Variants in MLLT1 observed in about 807,000 individuals in gnomAD.
MLLT1 encodes protein ENL.
In MLLT1, 11 loss-of-function variants were observed where a neutral mutation model predicts 55.1. That is an observed-to-expected ratio of 0.20 (90% CI 0.13 to 0.33). The LOEUF is 0.33. Among genes scored for constraint, MLLT1 ranks in the 10% least tolerant of loss-of-function variants. The probability of loss-of-function intolerance (pLI) is 1.00; values close to 1 mark genes in which losing one functional copy is unlikely to be tolerated. For synonymous variants in MLLT1, 323 were observed against 320.1 expected (o/e 1.01, Z -0.10); for missense variants, 536 against 760.6 (o/e 0.70, Z 3.47).
chr19:6,228,621 C>T (rs2090976316), intron 4 of MLLT1, among the ~76,000 whole-genome samples: 1 of 152,234 alleles, frequency 6.6e-6, no homozygotes, highest in Non-Finnish European at 1.5e-5. Context: ...CGCTCGCTGA[C>T]ACAGAAACCA....
Position 6,222,513 on chromosome 19 carries a change from TG to T in MLLT1, c.717del (p.Lys240ArgfsTer19). On this transcript the variant is annotated frameshift_variant, in exon 6 of 12. Coordinates refer to ENST00000252674, the MANE Select transcript of MLLT1 (RefSeq NM_005934.4). LOFTEE classifies it high-confidence loss of function. The surrounding 1 kb of genome is among the most constrained non-coding windows in gnomAD (Gnocchi z 4.1). ...TSRKLGEGRL[P>X]KEEKAPPPKA... ...TTGGGCGGTGGCGCCTTCTCCTCCT[TG>T]GGCAGCCGGCCCTCGCCCAGCTTCC... 1 of 1,599,496 alleles carries T rather than the reference TG, an allele frequency of 6.3e-7. No homozygotes were observed.
chr19:6,267,191 T>C (rs1056448859), intron 2 of MLLT1, among the ~76,000 whole-genome samples: 1 of 151,964 alleles, frequency 6.6e-6, no homozygotes, highest in Non-Finnish European at 1.5e-5. Context: ...AACCTCTGCA[T>C]CCTGGGTTCA....
chr19:6,227,357 C>T lies in MLLT1; in HGVS notation c.421-255G>A, dbSNP rs137966791. On this transcript the variant is annotated intron_variant, in intron 4 of 11. Coordinates refer to ENST00000252674, the MANE Select transcript of MLLT1 (RefSeq NM_005934.4). This position sits in a 1 kb window ranked among gnomAD's most constrained non-coding sequence, Gnocchi z 5.1. ...GACCAGGTGGGGCCACGCGGCCTTC[C>T]GGGAACAGTGGACCGGAGGGCTGGC... is the stretch of plus-strand genomic sequence containing the variant. Among the ~76,000 whole-genome samples, 817 of 152,304 alleles carry T rather than the reference C, an allele frequency of 5.4e-3. 5 individuals carry two copies. Among genetic ancestry groups the T allele is most frequent in the African/African-American group, 0.018 (745 of 41,578 alleles).
At chr19:6,236,818 T>A (rs911945040) in intron 3 of MLLT1, among the ~76,000 whole-genome samples, 5 of 152,170 alleles carry the variant, frequency 3.3e-5, no homozygotes, top group African/African-American at 1.2e-4. Flanking sequence ...CCGTGAGCAA[T>A]GGCAAAGTCA....
rs1044810755 is a variant in MLLT1, at chr19:6,212,427, G to A, written c.*615C>T. On this transcript the variant is annotated 3_prime_UTR_variant, in exon 12 of 12. Coordinates refer to ENST00000252674, the MANE Select transcript of MLLT1 (RefSeq NM_005934.4). Reference sequence around the variant, plus strand: ...CGTACGCACCCCCCACCCACCCCACGTGCACTGCTGCCACAGAAACGCACA... The same window carrying A: ...CGTACGCACCCCCCACCCACCCCACATGCACTGCTGCCACAGAAACGCACA... 15 of 1,063,828 alleles carry A rather than the reference G, an allele frequency of 1.4e-5. No homozygotes were observed. The Admixed American group carries it at 2.7e-4, about 19-fold the overall frequency. 65.9% of individuals were successfully genotyped at this position (1,063,828 alleles called of 1,614,324 possible).
Position 6,210,738 on chromosome 19 carries a change from G to A in MLLT1, c.*2304C>T. On this transcript the variant is annotated 3_prime_UTR_variant, in exon 12 of 12. Transcript: ENST00000252674. The surrounding 1 kb of genome is among the most constrained non-coding windows in gnomAD (Gnocchi z 4.6). ...ACAAAGTGCCAGGCCCCTTTCCTAT[G>A]GAAGTGTCCCCAGAGCCCTCGTGGG... The A allele has an allele frequency of 4.3e-6, 1 of 230,194 alleles. No homozygotes were observed. Among genetic ancestry groups the A allele is most frequent in the Non-Finnish European group, 8.6e-6 (1 of 116,116 alleles). The allele number at this position is 230,194 out of a possible 1,614,324, so 14.3% of individuals were successfully genotyped here. A position where few individuals can be genotyped will look rare whatever the true frequency, so the allele number is the denominator to read the frequency against.
At chr19:6,232,658 C>T (rs953073538) in intron 3 of MLLT1, among the ~76,000 whole-genome samples, 1 of 152,174 alleles carries the variant, frequency 6.6e-6, no homozygotes, top group East Asian at 1.9e-4. Flanking sequence ...CTTTGGGAGG[C>T]TGAGGCAAAT....
Position 6,243,863 on chromosome 19 carries a change from G to A in MLLT1, c.277-13150C>T, listed in dbSNP as rs576888090. On this transcript the variant is annotated intron_variant, in intron 3 of 11. Coordinates refer to ENST00000252674, the MANE Select transcript of MLLT1 (RefSeq NM_005934.4). ...CCGAGACCATCCTGGCTAACACGGTGAAACCCCCTCTCTACTAAAAATACA... is the reference window on the plus strand; with the variant it reads ...CCGAGACCATCCTGGCTAACACGGTAAAACCCCCTCTCTACTAAAAATACA... Among the ~76,000 whole-genome samples, 451 of 152,042 alleles carry A rather than the reference G, an allele frequency of 3.0e-3. 1 individual carries two copies. Among genetic ancestry groups the A allele is most frequent in the African/African-American group, 0.01 (422 of 41,480 alleles).
intron 1 of MLLT1, among the ~76,000 whole-genome samples, chr19:6,275,897 G>C (rs889981951): frequency 1.2e-4 from 18 of 152,200 alleles, no homozygotes; most frequent in Admixed American, 3.3e-4. Flanking sequence ...TACGAACCAG[G>C]GGCCCACAGA....
intron 5 of MLLT1, among the ~76,000 whole-genome samples, chr19:6,223,341 C>T (rs899452519): frequency 1.1e-4 from 17 of 152,208 alleles, no homozygotes; most frequent in African/African-American, 3.9e-4. Flanking sequence ...GAAGGGAAAC[C>T]GCCTGGGTCG....
At chr19:6,258,991 G>A (rs2091281087) in intron 3 of MLLT1, among the ~76,000 whole-genome samples, 6 of 152,184 alleles carry the variant, frequency 3.9e-5, no homozygotes, top group Admixed American at 3.9e-4. Context: ...TCTTCCTGAT[G>A]CCTGAGAAGC....
rs1213820302 is a variant in MLLT1, at chr19:6,262,590, T to C, written c.194-280A>G. On this transcript the variant is annotated intron_variant, in intron 2 of 11. Transcript: ENST00000252674. This position sits in a 1 kb window ranked among gnomAD's most constrained non-coding sequence, Gnocchi z 4.4. ...GAACGTTAGCCTGTCATCGGGATACTTGCTCCTGCAGAGGATGAGGAGGCT... is the reference window on the plus strand; with the variant it reads ...GAACGTTAGCCTGTCATCGGGATACCTGCTCCTGCAGAGGATGAGGAGGCT... Among the ~76,000 whole-genome samples, 1 of 152,092 alleles carries C rather than the reference T, an allele frequency of 6.6e-6. No individual in the cohort carries two copies. Among genetic ancestry groups the C allele is most frequent in the Non-Finnish European group, 1.5e-5 (1 of 68,008 alleles).
At chr19:6,214,465 G>A (rs920119265) in intron 8 of MLLT1, among the ~76,000 whole-genome samples, 5 of 152,138 alleles carry the variant, frequency 3.3e-5, no homozygotes, top group South Asian at 4.1e-4. Flanking sequence ...TCCCCTGGCC[G>A]CCTGACCCTG....
intron 3 of MLLT1, among the ~76,000 whole-genome samples, chr19:6,243,746 TAAG>T (rs1042065697): frequency 8.6e-5 from 13 of 151,920 alleles, no homozygotes; most frequent in East Asian, 3.9e-4. Flanking sequence ...CAGCCTCACA[TAAG>T]AAGAAGTCAA....
At chr19:6,213,689 C>T (rs773876911) in intron 10 of MLLT1, 37 bp downstream of exon 10, 15 of 1,393,912 alleles carry the variant, frequency 1.1e-5, no homozygotes, top group Admixed American at 5.2e-5. Context: ...ACCCACCCCT[C>T]CGTAGCCTCC....
At chr19:6,233,091 T>G (rs2091027957) in intron 3 of MLLT1, among the ~76,000 whole-genome samples, 1 of 152,124 alleles carries the variant, frequency 6.6e-6, no homozygotes, top group African/African-American at 2.4e-5. Flanking sequence ...GGCCACACCC[T>G]CAGTCCTGGT....
chr19:6,213,205 G>C (rs2090798316), intron 11 of MLLT1, 35 bp from the exon 12 acceptor site: 1 of 1,613,602 alleles, frequency 6.2e-7, no homozygotes. Context: ...CAGGGGCAGG[G>C]GGCCAAGGGT....
intron 5 of MLLT1, among the ~76,000 whole-genome samples, chr19:6,223,092 C>T (rs1229786199): frequency 6.6e-6 from 1 of 152,162 alleles, no homozygotes; most frequent in African/African-American, 2.4e-5. Flanking sequence ...CTGGACGCAG[C>T]CCTGCCCCTC....
At chr19:6,257,523 G>A (rs2144931103) in intron 3 of MLLT1, among the ~76,000 whole-genome samples, 1 of 152,292 alleles carries the variant, frequency 6.6e-6, no homozygotes, top group Admixed American at 6.5e-5. Flanking sequence ...ACAACGGGCT[G>A]GGCATGGTGG....
Sources: allele counts gnomAD v4.1 joint callset (sites outside exome capture counted in the v4.1 genomes callset), GRCh38; gene constraint gnomAD v4.1.1; non-coding constraint Gnocchi (gnomAD v3.1); transcripts MANE v1.5; gene names NCBI Gene and HGNC (gene_info 2026-07-23, HGNC 2026-07-21).